ATP8A2: variants seen among roughly 807,000 people sequenced by gnomAD.
ATP8A2 encodes ATPase phospholipid transporting 8A2, also known as phospholipid-transporting ATPase IB.
Under a neutral mutation model 165.6 loss-of-function variants are expected in ATP8A2, and 100 were observed. The observed-to-expected ratio is 0.60, with a 90% CI of 0.51 to 0.71. The LOEUF is 0.71. ATP8A2 is among the 30% of genes least tolerant of loss of function. ATP8A2 has a pLI of 0.00. For synonymous variants in ATP8A2, 543 were observed against 548.8 expected, an observed-to-expected ratio of 0.99 and a Z score of 0.15; for missense variants, 1,227 against 1,479.5, an observed-to-expected ratio of 0.83 and a Z score of 2.80.
intron 33 of ATP8A2, among the ~76,000 whole-genome samples, chr13:25,927,886 C>G (rs1035232015): frequency 2.0e-5 from 3 of 152,212 alleles, no homozygotes; most frequent in African/African-American, 4.8e-5. Context: ...TACCATTTAT[C>G]TTCTTTTGCT....
intron 24 of ATP8A2, among the ~76,000 whole-genome samples, chr13:25,625,673 A>G (rs1003356001): frequency 2.0e-5 from 3 of 152,200 alleles, no homozygotes; most frequent in Admixed American, 1.3e-4. Flanking sequence ...TTCATTCCAC[A>G]GAATGTTGAA....
At chr13:25,598,819 TTGAG>T (rs988697860) in intron 24 of ATP8A2, among the ~76,000 whole-genome samples, 3 of 152,216 alleles carry the variant, frequency 2.0e-5, no homozygotes, top group Non-Finnish European at 2.9e-5. Context: ...TATTTTGTGA[TTGAG>T]TGTCTAGATT....
At chr13:25,480,195 G>A (rs1401500618) in intron 2 of ATP8A2, among the ~76,000 whole-genome samples, 39 of 149,340 alleles carry the variant, frequency 2.6e-4, no homozygotes, top group Admixed American at 4.0e-4. Context: ...CCTCCCGGAC[G>A]GAGTGGCTGG....
At chr13:25,588,913 G>T (rs940457392) in intron 23 of ATP8A2, among the ~76,000 whole-genome samples, 1 of 152,052 alleles carries the variant, frequency 6.6e-6, no homozygotes, top group East Asian at 1.9e-4. Flanking sequence ...CCTGAGAGGC[G>T]CTCGGCTTGG....
chr13:25,731,936 A>G (rs1430035491), intron 25 of ATP8A2, among the ~76,000 whole-genome samples: 1 of 152,188 alleles, frequency 6.6e-6, no homozygotes, highest in East Asian at 1.9e-4. Flanking sequence ...GAAGATGATA[A>G]ATGGAAACTG....
chr13:25,863,508 G>A, intron 33 of ATP8A2: 1 of 152,344 alleles, frequency 6.6e-6, no homozygotes, highest in Non-Finnish European at 1.5e-5. Flanking sequence ...CAGAACCCAG[G>A]GTGGGATGGG....
chr13:25,848,354 A>G (rs936574436), intron 30 of ATP8A2, among the ~76,000 whole-genome samples: 1 of 152,248 alleles, frequency 6.6e-6, no homozygotes, highest in Non-Finnish European at 1.5e-5. Flanking sequence ...CACATCTGGC[A>G]GGAAGAGATC....
intron 29 of ATP8A2, among the ~76,000 whole-genome samples, 164 bp from the exon 30 acceptor site, chr13:25,839,382 C>T (rs891252424): frequency 6.7e-6 from 1 of 149,886 alleles, no homozygotes; most frequent in African/African-American, 2.4e-5. Context: ...ATTAAATAAT[C>T]GATTTGGGTG....
At position 25,953,850 on chromosome 13, in the gene ATP8A2, G is replaced by A. The variant is rs150238655; in HGVS notation, c.3184-7725G>A. ...ATACTATGCTTTTCCCATGGTCTTC[G>A]CAAACTGCAGACCAGGAGATTCCCT... On this transcript the variant is annotated intron_variant, in intron 33 of 36. Coordinates refer to ENST00000381655, the MANE Select transcript of ATP8A2 (RefSeq NM_016529.6). This position sits in a 1 kb window ranked among gnomAD's most constrained non-coding sequence, Gnocchi z 6.7. Among the ~76,000 whole-genome samples the A allele has an allele frequency of 9.9e-4, 150 of 152,280 alleles. No individual in the cohort carries two copies. The highest frequency in any genetic ancestry group is 4.1e-3 in the East Asian group (21 of 5,178).
chr13:25,821,064 T>A (rs189666857), intron 27 of ATP8A2, among the ~76,000 whole-genome samples: 69 of 152,310 alleles, frequency 4.5e-4, no homozygotes, highest in African/African-American at 1.6e-3. Flanking sequence ...GAGAATGAGC[T>A]TGTTTATGCT....
intron 23 of ATP8A2, among the ~76,000 whole-genome samples, chr13:25,588,152 A>C (rs1197030035): frequency 6.6e-6 from 1 of 152,162 alleles, no homozygotes; most frequent in East Asian, 1.9e-4. Context: ...AAAAATTAAC[A>C]TTTGGATGAA....
At chr13:25,400,541 T>C (rs1253911779) in intron 1 of ATP8A2, among the ~76,000 whole-genome samples, 1 of 152,226 alleles carries the variant, frequency 6.6e-6, no homozygotes, top group Non-Finnish European at 1.5e-5. Flanking sequence ...TCTAGTTATT[T>C]TGAAATATAC....
chr13:25,746,910 G>A (rs1020161251), intron 25 of ATP8A2, among the ~76,000 whole-genome samples: 1 of 151,980 alleles, frequency 6.6e-6, no homozygotes, highest in African/African-American at 2.4e-5. Flanking sequence ...TTTTTGGCCC[G>A]TGCTTTCAAA....
intron 25 of ATP8A2, among the ~76,000 whole-genome samples, chr13:25,709,019 T>G (rs2043107093): frequency 6.6e-6 from 1 of 152,086 alleles, no homozygotes; most frequent in African/African-American, 2.4e-5. Flanking sequence ...TTCTGTTGTT[T>G]CTTGTTAACC....
At chr13:25,687,574 C>T (rs1255889064) in intron 24 of ATP8A2, among the ~76,000 whole-genome samples, 1 of 152,184 alleles carries the variant, frequency 6.6e-6, no homozygotes, top group Non-Finnish European at 1.5e-5. Context: ...AGCTCTCTCT[C>T]CATGGCGTTG....
At chr13:25,518,215 T>A (rs532648385) in intron 2 of ATP8A2, among the ~76,000 whole-genome samples, 1 of 152,326 alleles carries the variant, frequency 6.6e-6, no homozygotes, top group South Asian at 2.1e-4. Context: ...GTCCTCAACT[T>A]CCAATCATCT....
At chr13:25,452,491 G>A (rs1178575128) in intron 1 of ATP8A2, among the ~76,000 whole-genome samples, 3 of 151,868 alleles carry the variant, frequency 2.0e-5, no homozygotes, top group South Asian at 2.1e-4. Context: ...TATCAATATA[G>A]TTTTCTTGAG....
intron 2 of ATP8A2, among the ~76,000 whole-genome samples, chr13:25,517,823 G>A (rs181348452): frequency 6.6e-6 from 1 of 152,328 alleles, no homozygotes; most frequent in East Asian, 1.9e-4. Flanking sequence ...ATTTGTAACT[G>A]GTGAGATTTC....
chr13:25,921,825 T>C (rs1447563525), intron 33 of ATP8A2, among the ~76,000 whole-genome samples: 1 of 152,204 alleles, frequency 6.6e-6, no homozygotes, highest in African/African-American at 2.4e-5. Context: ...TTTGATCGAA[T>C]GTGTATTAAA....
Sources: gnomAD v4.1 joint callset for allele counts (sites outside exome capture counted in the v4.1 genomes callset) on GRCh38, gnomAD v4.1.1 for gene constraint, Gnocchi (gnomAD v3.1) non-coding constraint, MANE v1.5 for transcripts, NCBI Gene and HGNC (gene_info 2026-07-23, HGNC 2026-07-21) for gene names.